The following ZNF362 variants were observed in gnomAD, a reference collection of about 807,000 sequenced individuals.
The protein encoded by ZNF362 is zinc finger protein 362, also known as rotund homolog.
In ZNF362, 11 loss-of-function variants were observed where a neutral mutation model predicts 42.9. That is an observed-to-expected ratio of 0.26 (90% CI 0.16 to 0.42). The LOEUF is 0.42. Ranked by LOEUF, ZNF362 falls within the 20% of genes least tolerant of loss-of-function variation. The pLI is 1.00. For synonymous variants in ZNF362, 255 were observed against 257.3 expected (o/e 0.99, Z 0.09); for missense variants, 362 against 576.2 (o/e 0.63, Z 3.81).
chr1:33,189,634 C>CATATATATAT, the ZNF362 span, among the ~76,000 whole-genome samples: 309 of 54,788 alleles, frequency 5.6e-3, 2 homozygotes, highest in South Asian at 9.5e-3. Flanking sequence ...CACATTCCAG[C>CATATATATAT]ATATATATAT....
intron 4 of ZNF362, among the ~76,000 whole-genome samples, chr1:33,277,560 G>C (rs1369865461): frequency 6.6e-6 from 1 of 152,216 alleles, no homozygotes; most frequent in Non-Finnish European, 1.5e-5. Context: ...TGGAGACCCG[G>C]TTGTCAGGGG....
intron 1 of ZNF362, among the ~76,000 whole-genome samples, chr1:33,259,423 C>A (rs1162746211): frequency 1.3e-5 from 2 of 152,184 alleles, no homozygotes; most frequent in African/African-American, 4.8e-5. Context: ...AAGGTGGGGA[C>A]CGGGTCTGAA....
upstream of ZNF362, among the ~76,000 whole-genome samples, chr1:33,255,680 G>A (rs114736971): frequency 2.1e-3 from 320 of 152,292 alleles, 2 homozygotes; most frequent in African/African-American, 7.5e-3. Context: ...TGCCAGCTTC[G>A]GGCCGCCCCA....
the ZNF362 span, chr1:33,181,561 C>A: frequency 7.1e-7 from 1 of 1,406,388 alleles, no homozygotes; most frequent in East Asian, 2.7e-5. The surrounding 1 kb of genome is among the most constrained non-coding windows in gnomAD (Gnocchi z 6.5). Flanking sequence ...TAGGAGCTAC[C>A]GGAGAAGGGA....
At chr1:33,245,454 AC>A in the ZNF362 span, among the ~76,000 whole-genome samples, 141 of 151,410 alleles carry the variant, frequency 9.3e-4, no homozygotes, top group African/African-American at 3.2e-3. Context: ...AATGGTGCCC[AC>A]CCCCCACCAA....
At chr1:33,156,764 C>G in the ZNF362 span, among the ~76,000 whole-genome samples, 1 of 152,218 alleles carries the variant, frequency 6.6e-6, no homozygotes, top group Non-Finnish European at 1.5e-5. Context: ...GCTGAGATAA[C>G]TAATTGGCAT....
the ZNF362 span, among the ~76,000 whole-genome samples, chr1:33,198,408 G>A: frequency 6.6e-6 from 1 of 152,148 alleles, no homozygotes; most frequent in African/African-American, 2.4e-5. Context: ...GCTCATGCCT[G>A]TAATCCCAGC....
At chr1:33,148,939 C>T in the ZNF362 span, among the ~76,000 whole-genome samples, 1 of 152,162 alleles carries the variant, frequency 6.6e-6, no homozygotes, top group Non-Finnish European at 1.5e-5. Context: ...TGCAATCTAG[C>T]GCCAGTCCTT....
chr1:33,289,938 A>G (rs1313769632), intron 6 of ZNF362, among the ~76,000 whole-genome samples: 4 of 152,042 alleles, frequency 2.6e-5, no homozygotes, highest in Admixed American at 2.6e-4. Context: ...TGATAAAGGG[A>G]CTTGTATGCT....
the ZNF362 span, among the ~76,000 whole-genome samples, chr1:33,228,671 A>G: frequency 1.3e-5 from 2 of 152,126 alleles, no homozygotes; most frequent in Non-Finnish European, 2.9e-5. Context: ...TCAGAATCCA[A>G]TCACTCCTCA....
intron 6 of ZNF362, among the ~76,000 whole-genome samples, chr1:33,292,551 C>T (rs1396922194): frequency 2.0e-5 from 3 of 152,158 alleles, no homozygotes; most frequent in Non-Finnish European, 2.9e-5. Context: ...GTGTCTCTGC[C>T]AGGCTTTGGT....
At chr1:33,178,394 C>A in the ZNF362 span, among the ~76,000 whole-genome samples, 1 of 152,166 alleles carries the variant, frequency 6.6e-6, no homozygotes, top group Middle Eastern at 3.2e-3. Flanking sequence ...AGCAGCACAT[C>A]CTCTCTAGAT....
At chr1:33,283,386 G>A (rs1158681204) in intron 6 of ZNF362, among the ~76,000 whole-genome samples, 1 of 152,124 alleles carries the variant, frequency 6.6e-6, no homozygotes, top group Non-Finnish European at 1.5e-5. Flanking sequence ...CTGACTTTGG[G>A]ACATGATATG....
intron 8 of ZNF362, among the ~76,000 whole-genome samples, chr1:33,296,081 T>C (rs1329837196): frequency 1.3e-5 from 2 of 152,208 alleles, no homozygotes; most frequent in South Asian, 2.1e-4. Context: ...AATTAAGAAC[T>C]GTTGGAGACA....
At chr1:33,272,674 C>G (rs1468307554) in intron 2 of ZNF362, among the ~76,000 whole-genome samples, 1 of 152,128 alleles carries the variant, frequency 6.6e-6, no homozygotes, top group Non-Finnish European at 1.5e-5. Flanking sequence ...CTGTCTCCAC[C>G]CCCTGCCCTC....
chr1:33,130,473 G>C, the ZNF362 span, among the ~76,000 whole-genome samples: 2 of 152,188 alleles, frequency 1.3e-5, no homozygotes, highest in Admixed American at 6.5e-5. Context: ...GTAGGTCTAT[G>C]TGTCAAAGAA....
chr1:33,276,027 C>T (rs779926144), intron 2 of ZNF362, 73 bp from the exon 3 acceptor site: 10 of 1,554,556 alleles, frequency 6.4e-6, no homozygotes, highest in South Asian at 4.5e-5. Flanking sequence ...CTTGAGTGGG[C>T]GCAGCTGAGG....
intron 1 of ZNF362, among the ~76,000 whole-genome samples, chr1:33,264,547 G>C (rs1049715094): frequency 1.3e-5 from 2 of 152,164 alleles, no homozygotes; most frequent in Admixed American, 1.3e-4. Context: ...TTGAGGCTTG[G>C]AGATTTAGGT....
At chr1:33,255,955 G>T (rs12130266), upstream of ZNF362, among the ~76,000 whole-genome samples, 144,765 of 151,184 alleles carry the variant, frequency 0.96, 69,626 homozygotes, top group Non-Finnish European at 1. Flanking sequence ...CATCACCCAG[G>T]AGTGGGGTGG....
Sources: allele counts gnomAD v4.1 joint callset (sites outside exome capture counted in the v4.1 genomes callset), GRCh38; gene constraint gnomAD v4.1.1; non-coding constraint Gnocchi (gnomAD v3.1); transcripts MANE v1.5; gene names NCBI Gene and HGNC (gene_info 2026-07-23, HGNC 2026-07-21).